The following CTIF variants were observed in gnomAD, a reference collection of about 807,000 sequenced individuals.
CTIF encodes cap binding complex dependent translation initiation factor, also known as CBP80/20-dependent translation initiation factor.
CTIF carries 21 observed loss-of-function variants against 66.0 expected under a neutral mutation model. The ratio of observed to expected loss-of-function variants is 0.32; its 90% CI spans 0.23 to 0.46. CTIF has a LOEUF of 0.46. CTIF is among the 20% of genes least tolerant of loss of function. CTIF has a pLI of 1.00. For synonymous variants in CTIF, 345 were observed against 326.4 expected (o/e 1.06, Z -0.62); for missense variants, 739 against 812.7 (o/e 0.91, Z 1.10).
intron 1 of CTIF, among the ~76,000 whole-genome samples, chr18:48,598,149 GT>G (rs1298304985): frequency 6.6e-6 from 1 of 152,188 alleles, no homozygotes; most frequent in African/African-American, 2.4e-5. Flanking sequence ...CCAGCTGAGG[GT>G]AATGGGGAGT....
chr18:48,766,137 A>C (rs1160570165), intron 9 of CTIF, among the ~76,000 whole-genome samples: 1 of 130,912 alleles, frequency 7.6e-6, no homozygotes, highest in Non-Finnish European at 1.5e-5. Flanking sequence ...GACATTTCTT[A>C]ATGTGCCAAG....
At chr18:48,644,065 C>T (rs2090982321) in intron 3 of CTIF, among the ~76,000 whole-genome samples, 2 of 152,306 alleles carry the variant, frequency 1.3e-5, no homozygotes, top group East Asian at 1.9e-4. Flanking sequence ...TTTTATTTAA[C>T]TCTTTTGCTT....
chr18:48,693,635 A>G (rs1052965701), intron 6 of CTIF, among the ~76,000 whole-genome samples: 3 of 152,220 alleles, frequency 2.0e-5, no homozygotes, highest in Admixed American at 6.5e-5. Flanking sequence ...GCAGAAAACC[A>G]GCACCCAGTA....
chr18:48,623,018 G>A (rs148211974), intron 2 of CTIF, among the ~76,000 whole-genome samples: 97 of 152,358 alleles, frequency 6.4e-4, no homozygotes, highest in Non-Finnish European at 1.3e-3. Flanking sequence ...AGCAGCCAGC[G>A]GGGACATAGT....
At chr18:48,580,345 A>G (rs61071501) in intron 1 of CTIF, among the ~76,000 whole-genome samples, 20,484 of 152,236 alleles carry the variant, frequency 0.13, 1,854 homozygotes, top group African/African-American at 0.25. Context: ...GGGATAGTGT[A>G]GCCTCAGGGC....
In CTIF at chr18:48,860,140, T is replaced by C. The variant is rs1169295455; in HGVS notation, c.*581T>C. 2.7e-6 allele frequency: 1 copy of C among 365,502 alleles called. No homozygotes were observed. The highest frequency in any genetic ancestry group is 5.5e-6 in the Non-Finnish European group (1 of 182,272). 22.6% of individuals were successfully genotyped at this position (365,502 alleles called of 1,614,324 possible). On this transcript the variant is annotated 3_prime_UTR_variant, in exon 12 of 12. Coordinates refer to ENST00000256413, the MANE Select transcript of CTIF (RefSeq NM_014772.3). Reference sequence around the variant, plus strand: ...TTGTCAGCCATGGCAGAGCTGACGCTCCACCTCCCACCTCCAAGTCCTCCT... The same window carrying C: ...TTGTCAGCCATGGCAGAGCTGACGCCCCACCTCCCACCTCCAAGTCCTCCT...
At chr18:48,560,595 G>A (rs2089135436) in intron 1 of CTIF, among the ~76,000 whole-genome samples, 1 of 152,080 alleles carries the variant, frequency 6.6e-6, no homozygotes, top group Non-Finnish European at 1.5e-5. Context: ...CTTTGAGACA[G>A]AATCTTGTTC....
At chr18:48,755,006 G>A (rs921605548) in intron 7 of CTIF, among the ~76,000 whole-genome samples, 1 of 152,182 alleles carries the variant, frequency 6.6e-6, no homozygotes, top group African/African-American at 2.4e-5. Context: ...AGTGCACTGG[G>A]TAGAGAGAGG....
At chr18:48,599,989 G>A (rs2090061529) in intron 1 of CTIF, among the ~76,000 whole-genome samples, 1 of 152,198 alleles carries the variant, frequency 6.6e-6, no homozygotes, top group South Asian at 2.1e-4. Context: ...CACTTTGAGG[G>A]TGTGAGGTGA....
chr18:48,589,155 C>G (rs1030526006), intron 1 of CTIF, among the ~76,000 whole-genome samples: 1 of 152,144 alleles, frequency 6.6e-6, no homozygotes, highest in Non-Finnish European at 1.5e-5. Flanking sequence ...ACTATTGTCA[C>G]GAATTATCAC....
chr18:48,692,315 A>T (rs1304815399), intron 6 of CTIF, among the ~76,000 whole-genome samples: 2 of 121,812 alleles, frequency 1.6e-5, no homozygotes, highest in African/African-American at 1.1e-4. Context: ...ACAAAAACAA[A>T]AACAAAACAA....
chr18:48,650,511 C>G lies in CTIF; in HGVS notation c.253-13241C>G, dbSNP rs141647673. Among the ~76,000 whole-genome samples, 6 of 152,234 alleles carry G rather than the reference C, an allele frequency of 3.9e-5. No homozygotes were observed. In the East Asian group the frequency reaches 1.2e-3, roughly 29 times the overall value. ...ACCAAATCTATGTTTGATTGGTGTA[C>G]CTGAAAGCAAAAGGGAGAACCAAGT... On this transcript the variant is annotated intron_variant, in intron 3 of 11. Coordinates refer to ENST00000256413, the MANE Select transcript of CTIF (RefSeq NM_014772.3).
At chr18:48,733,241 G>A (rs2092471338) in intron 7 of CTIF, among the ~76,000 whole-genome samples, 1 of 152,124 alleles carries the variant, frequency 6.6e-6, no homozygotes, top group Non-Finnish European at 1.5e-5. Flanking sequence ...GGGCCGAGAG[G>A]GAAGTGGGAA....
At chr18:48,575,368 G>C (rs542043262) in intron 1 of CTIF, among the ~76,000 whole-genome samples, 5 of 152,194 alleles carry the variant, frequency 3.3e-5, no homozygotes, top group Admixed American at 6.5e-5. Context: ...TCCAGACCCC[G>C]TGCCTTTTTC....
chr18:48,679,564 C>G (rs2091703168), intron 6 of CTIF, among the ~76,000 whole-genome samples: 1 of 152,178 alleles, frequency 6.6e-6, no homozygotes, highest in Non-Finnish European at 1.5e-5. Context: ...TGTCTTCCTG[C>G]CCTTGACCTT....
At chr18:48,747,128 A>G (rs1338065760) in intron 7 of CTIF, among the ~76,000 whole-genome samples, 2 of 152,176 alleles carry the variant, frequency 1.3e-5, no homozygotes, top group Non-Finnish European at 2.9e-5. Flanking sequence ...AGGATTGCAA[A>G]GGAAGACTCC....
intron 9 of CTIF, among the ~76,000 whole-genome samples, chr18:48,763,279 C>A (rs1443410003): frequency 6.6e-6 from 1 of 152,212 alleles, no homozygotes; most frequent in African/African-American, 2.4e-5. Context: ...AGACAGGCAC[C>A]CAGGGCATGG....
rs1011161834 is a variant in CTIF at position 48,563,914 on chromosome 18, G to A, written c.-29+24602G>A. ...CTTGTGGTCTCTGGCCCTGTTCCCCGCCCCAGCCATCAGCACCAGTCCCCT... is the reference window on the plus strand; with the variant it reads ...CTTGTGGTCTCTGGCCCTGTTCCCCACCCCAGCCATCAGCACCAGTCCCCT... On this transcript the variant is annotated intron_variant, in intron 1 of 11. Coordinates refer to ENST00000256413, the MANE Select transcript of CTIF (RefSeq NM_014772.3). Among the ~76,000 whole-genome samples, 14 of 152,092 alleles carry A rather than the reference G, an allele frequency of 9.2e-5. No individual in the cohort carries two copies. The East Asian group carries it at 1.7e-3, about 19-fold the overall frequency.
At chr18:48,738,763 T>A (rs1466160155) in intron 7 of CTIF, among the ~76,000 whole-genome samples, 2 of 152,214 alleles carry the variant, frequency 1.3e-5, no homozygotes, top group Admixed American at 1.3e-4. Context: ...ATGGTGCATT[T>A]GTTCTGTTTA....
Sources: gnomAD v4.1 joint callset for allele counts (sites outside exome capture counted in the v4.1 genomes callset) on GRCh38, gnomAD v4.1.1 for gene constraint, MANE v1.5 for transcripts, NCBI Gene and HGNC (gene_info 2026-07-23, HGNC 2026-07-21) for gene names.